DIP2C: variants seen among roughly 807,000 people sequenced by gnomAD.
The protein encoded by DIP2C is DIP2 acetate--CoA ligase C (putative).
DIP2C carries 33 observed loss-of-function variants against 192.4 expected under a neutral mutation model. That is an observed-to-expected ratio of 0.17 (90% CI 0.13 to 0.23). DIP2C has a LOEUF of 0.23. Ranked by LOEUF, DIP2C falls within the 10% of genes least tolerant of loss-of-function variation. The pLI is 1.00. For synonymous variants in DIP2C, 979 were observed against 864.1 expected (o/e 1.13, Z -2.33); for missense variants, 1,537 against 2,110.1 (o/e 0.73, Z 5.32).
intron 32 of DIP2C, among the ~76,000 whole-genome samples, chr10:305,990 T>C (rs1253767000): frequency 4.7e-5 from 5 of 106,308 alleles, no homozygotes; most frequent in Non-Finnish European, 4.3e-5. Context: ...TATATATATA[T>C]ATATTATATT....
At chr10:317,975 C>T (rs772638982) in intron 31 of DIP2C, among the ~76,000 whole-genome samples, 2 of 152,198 alleles carry the variant, frequency 1.3e-5, no homozygotes, top group African/African-American at 4.8e-5. Flanking sequence ...CCTAGGAAGT[C>T]GTGGGTTTGA....
chr10:661,831 C>T (rs1564318721), intron 1 of DIP2C, among the ~76,000 whole-genome samples: 1 of 152,208 alleles, frequency 6.6e-6, no homozygotes, highest in African/African-American at 2.4e-5. Context: ...GGTGGTGTCT[C>T]TAAGTATCTC....
chr10:573,828 A>G (rs958479550), intron 1 of DIP2C, among the ~76,000 whole-genome samples: 1 of 152,216 alleles, frequency 6.6e-6, no homozygotes, highest in Non-Finnish European at 1.5e-5. Context: ...ACACATCTCA[A>G]AACTCACAAA....
intron 3 of DIP2C, among the ~76,000 whole-genome samples, chr10:461,251 C>G (rs1969749626): frequency 6.6e-6 from 1 of 152,190 alleles, no homozygotes; most frequent in African/African-American, 2.4e-5. Context: ...AAGACACAGA[C>G]TGGCAAACTG....
At chr10:345,153 G>A (rs1026628417) in intron 26 of DIP2C, 43 bp from the exon 27 acceptor site, 1 of 1,558,526 alleles carries the variant, frequency 6.4e-7, no homozygotes, top group Non-Finnish European at 8.7e-7. Flanking sequence ...CGTGGACCCA[G>A]ATGAAAGCGT....
intron 1 of DIP2C, among the ~76,000 whole-genome samples, chr10:648,651 T>C (rs557323153): frequency 6.5e-4 from 96 of 147,342 alleles, no homozygotes; most frequent in African/African-American, 2.3e-3. Context: ...CACGTCCACA[T>C]TGGATGGTGG....
At chr10:353,004 C>A (rs1234070573) in intron 24 of DIP2C, among the ~76,000 whole-genome samples, 1 of 152,134 alleles carries the variant, frequency 6.6e-6, no homozygotes, top group Non-Finnish European at 1.5e-5. Flanking sequence ...AACCATTCAC[C>A]GCAGGTGACA....
chr10:565,795 T>C (rs1379777335), intron 1 of DIP2C, among the ~76,000 whole-genome samples: 1 of 152,244 alleles, frequency 6.6e-6, no homozygotes, highest in Non-Finnish European at 1.5e-5. Context: ...AAGCAGGAGT[T>C]ACCCTCTCAG....
In DIP2C at chr10:422,710, G is replaced by C. The variant is rs1589760026; in HGVS notation, c.604+114C>G. On this transcript the variant is annotated intron_variant, in intron 5 of 36. Coordinates refer to ENST00000280886, the MANE Select transcript of DIP2C (RefSeq NM_014974.3). ...AGCCAAAGCACCCCAGGGGCCAGAG[G>C]AGCTCTGTGCTCTTTCCACCGAGGG... is the stretch of plus-strand genomic sequence containing the variant. The C allele has an allele frequency of 7.8e-6, 10 of 1,288,484 alleles. No individual in the cohort carries two copies. In the East Asian group the frequency reaches 2.1e-4, roughly 27 times the overall value. 79.8% of individuals were successfully genotyped at this position (1,288,484 alleles called of 1,614,324 possible).
intron 1 of DIP2C, among the ~76,000 whole-genome samples, chr10:682,056 C>T (rs543037457): frequency 6.6e-5 from 10 of 152,340 alleles, no homozygotes; most frequent in Non-Finnish European, 1.0e-4. Context: ...ATGAATGATT[C>T]ACATAATAAG....
intron 3 of DIP2C, among the ~76,000 whole-genome samples, chr10:451,802 A>C (rs1968868834): frequency 6.6e-6 from 1 of 152,246 alleles, no homozygotes; most frequent in Admixed American, 6.5e-5. Context: ...AACACAAAGC[A>C]ATCATGTGGG....
chr10:285,946 T>C (rs898073051), intron 34 of DIP2C, among the ~76,000 whole-genome samples: 5 of 152,228 alleles, frequency 3.3e-5, no homozygotes, highest in Non-Finnish European at 5.9e-5. Context: ...TTCTCAGTAA[T>C]AAAAGCAGGA....
intron 32 of DIP2C, among the ~76,000 whole-genome samples, chr10:306,446 G>C (rs575122043): frequency 1.3e-5 from 2 of 152,298 alleles, no homozygotes; most frequent in African/African-American, 4.8e-5. Flanking sequence ...GAAATTGCAT[G>C]TGCATACCAA....
intron 1 of DIP2C, among the ~76,000 whole-genome samples, chr10:590,289 G>GTTTGT (rs1851322497): frequency 1.3e-5 from 2 of 152,224 alleles, no homozygotes; most frequent in Admixed American, 1.3e-4. Flanking sequence ...GTCTGAAATA[G>GTTTGT]CACAGCACCT....
At chr10:624,618 A>C (rs978837525) in intron 1 of DIP2C, among the ~76,000 whole-genome samples, 1 of 152,182 alleles carries the variant, frequency 6.6e-6, no homozygotes, top group African/African-American at 2.4e-5. Flanking sequence ...GAGTCTCTCC[A>C]GGGCGGGCTC....
At chr10:356,237 T>G in intron 24 of DIP2C, 189 bp downstream of exon 24, 1 of 695,234 alleles carries the variant, frequency 1.4e-6, no homozygotes, top group South Asian at 1.6e-5. Flanking sequence ...TAGGTGTAAA[T>G]AACTGCACAA....
chr10:416,375 C>T (rs981001261), intron 6 of DIP2C, among the ~76,000 whole-genome samples: 3 of 152,038 alleles, frequency 2.0e-5, no homozygotes, highest in Non-Finnish European at 4.4e-5. Context: ...GCCGCTGAGT[C>T]ACGTCTGGAA....
intron 1 of DIP2C, among the ~76,000 whole-genome samples, chr10:646,357 C>T (rs1182009867): frequency 1.3e-5 from 2 of 152,152 alleles, no homozygotes; most frequent in Non-Finnish European, 2.9e-5. Context: ...TTCCACCCCA[C>T]GCCAACCTGC....
chr10:371,854 C>T (rs1353831468), intron 17 of DIP2C, among the ~76,000 whole-genome samples: 1 of 152,238 alleles, frequency 6.6e-6, no homozygotes, highest in African/African-American at 2.4e-5. Context: ...GTTTAAACCA[C>T]TCAGTGTGTG....
Sources: gnomAD v4.1 joint callset for allele counts (sites outside exome capture counted in the v4.1 genomes callset) on GRCh38, gnomAD v4.1.1 for gene constraint, MANE v1.5 for transcripts, NCBI Gene and HGNC (gene_info 2026-07-23, HGNC 2026-07-21) for gene names.